The following RABGAP1 variants were observed in gnomAD, a reference collection of about 807,000 sequenced individuals.
RABGAP1 encodes rab GTPase-activating protein 1.
A neutral mutation model predicts 137.6 loss-of-function variants in RABGAP1; 23 were observed. The observed-to-expected ratio is 0.17, with a 90% CI of 0.12 to 0.24. RABGAP1 has a LOEUF of 0.24. RABGAP1 is among the 10% of genes least tolerant of loss of function. The pLI is 1.00. For synonymous variants in RABGAP1, 451 were observed against 450.7 expected (o/e 1.00, Z -0.01); for missense variants, 906 against 1,275.8 (o/e 0.71, Z 4.42).
chr9:123,070,421 C>T lies in RABGAP1; in HGVS notation c.1980C>T (p.Leu660=). 6.2e-7 allele frequency: 1 copy of T among 1,614,060 alleles called. No homozygotes were observed. Among genetic ancestry groups the T allele is most frequent in the South Asian group, 1.1e-5 (1 of 91,074 alleles). ...CATTTCTTGCTGCTGTGCTCCTTCT[C>T]CATGTGAGTAATTAGGTCTCTGTTA... ...GQSFLAAVLL[L]HMPEEQAFSV... The change falls in exon 15 of 26, where the codon CTC becomes CTT. Residue 660 remains leucine (L), a synonymous_variant. Coordinates refer to ENST00000373647, the MANE Select transcript of RABGAP1 (RefSeq NM_012197.4). The surrounding 1 kb of genome is among the most constrained non-coding windows in gnomAD (Gnocchi z 4.4).
intron 2 of RABGAP1, among the ~76,000 whole-genome samples, chr9:122,964,701 T>G (rs1835046461): frequency 6.6e-6 from 1 of 152,202 alleles, no homozygotes; most frequent in African/African-American, 2.4e-5. Context: ...TTCAACATTG[T>G]GCTAGGGCCA....
chr9:123,014,245 A>T (rs534677334), intron 11 of RABGAP1, among the ~76,000 whole-genome samples: 41 of 152,276 alleles, frequency 2.7e-4, no homozygotes, highest in African/African-American at 7.2e-4. Flanking sequence ...AGTGCCACTT[A>T]TTTCACTGTC....
chr9:123,076,235 T>C lies in RABGAP1; in HGVS notation c.2254-10T>C, dbSNP rs747724305. On this transcript the variant is annotated splice_polypyrimidine_tract_variant and intron_variant, in intron 17 of 25. Transcript: ENST00000373647. ...AACTGACAGTGTTCTTTTTGTCTGT[T>C]CTCTTTCAGGGAATAAGTGTTATTT... 12 of 1,609,786 alleles carry C rather than the reference T, an allele frequency of 7.5e-6. No individual in the cohort carries two copies. The Middle Eastern group carries it at 6.6e-4, about 89-fold the overall frequency.
chr9:123,013,831 G>A (rs2031010842), intron 11 of RABGAP1, among the ~76,000 whole-genome samples: 1 of 152,148 alleles, frequency 6.6e-6, no homozygotes, highest in African/African-American at 2.4e-5. Flanking sequence ...TGGAGATGCA[G>A]ATTCAACATG....
At position 123,022,315 on chromosome 9, in the gene RABGAP1, A is replaced by G. The variant is rs150611657; in HGVS notation, c.1794+1856A>G. On this transcript the variant is annotated intron_variant, in intron 13 of 25. Coordinates refer to ENST00000373647, the MANE Select transcript of RABGAP1 (RefSeq NM_012197.4). Reference sequence around the variant, plus strand: ...GGAACCTGGTAGTTATATGATATGTAAAAGAAAGACTATTAACAAAATATG... The same window carrying G: ...GGAACCTGGTAGTTATATGATATGTGAAAGAAAGACTATTAACAAAATATG... Among the ~76,000 whole-genome samples the G allele has an allele frequency of 2.1e-3, 317 of 152,340 alleles. 3 individuals carry two copies. Among genetic ancestry groups the G allele is most frequent in the Middle Eastern group, 0.017 (5 of 294 alleles).
chr9:122,949,706 A>AAAT (rs1554782542), intron 1 of RABGAP1, among the ~76,000 whole-genome samples: 2 of 151,118 alleles, frequency 1.3e-5, no homozygotes, highest in African/African-American at 4.9e-5. Context: ...AAAAAAAAAA[A>AAAT]AAAAAGGAAA....
At chr9:123,025,139 G>A (rs1686776598) in intron 13 of RABGAP1, among the ~76,000 whole-genome samples, 1 of 152,130 alleles carries the variant, frequency 6.6e-6, no homozygotes, top group Non-Finnish European at 1.5e-5. Context: ...CTTCCAGATG[G>A]ATAACCAGTT....
At chr9:123,080,309 T>G (rs1304796613) in intron 19 of RABGAP1, among the ~76,000 whole-genome samples, 1 of 152,244 alleles carries the variant, frequency 6.6e-6, no homozygotes, top group African/African-American at 2.4e-5. Context: ...CTTTGCATGT[T>G]TGGGGTACAC....
chr9:123,095,799 G>T (rs963899942), intron 21 of RABGAP1, among the ~76,000 whole-genome samples: 1 of 151,202 alleles, frequency 6.6e-6, no homozygotes, highest in Non-Finnish European at 1.5e-5. Context: ...TTTTCATTCA[G>T]TTCTTGTGAT....
At chr9:123,027,010 T>G (rs2032008193) in intron 13 of RABGAP1, among the ~76,000 whole-genome samples, 1 of 152,240 alleles carries the variant, frequency 6.6e-6, no homozygotes, top group Non-Finnish European at 1.5e-5. Flanking sequence ...TTTTCTCTAG[T>G]TTCAACTTCA....
chr9:123,016,231 G>T (rs1158221836), intron 12 of RABGAP1, among the ~76,000 whole-genome samples: 1 of 152,166 alleles, frequency 6.6e-6, no homozygotes, highest in Non-Finnish European at 1.5e-5. Flanking sequence ...TTCAGGATGG[G>T]TGTAGTGGTT....
At chr9:122,983,749 A>G (rs974047142) in intron 2 of RABGAP1, among the ~76,000 whole-genome samples, 5 of 152,282 alleles carry the variant, frequency 3.3e-5, no homozygotes, top group Middle Eastern at 6.8e-3. Flanking sequence ...TTAAGCATTT[A>G]GTGACAATAC....
intron 13 of RABGAP1, among the ~76,000 whole-genome samples, chr9:123,048,214 C>T (rs1295102305): frequency 1.3e-5 from 2 of 152,136 alleles, no homozygotes; most frequent in Admixed American, 1.3e-4. Context: ...GTTAGGATTA[C>T]AGGCGTGAGC....
intron 1 of RABGAP1, among the ~76,000 whole-genome samples, chr9:122,950,135 G>C (rs894191525): frequency 6.6e-6 from 1 of 152,138 alleles, no homozygotes; most frequent in Admixed American, 6.5e-5. Context: ...TCAGATCTAA[G>C]TTTTAGAAAT....
At chr9:123,068,131 C>T (rs1443180316) in intron 14 of RABGAP1, among the ~76,000 whole-genome samples, 1 of 152,100 alleles carries the variant, frequency 6.6e-6, no homozygotes, top group African/African-American at 2.4e-5. Context: ...GGGTGGTTCA[C>T]CTGAGGTCAG....
intron 14 of RABGAP1, among the ~76,000 whole-genome samples, chr9:123,069,525 C>T (rs1588372247): frequency 6.6e-6 from 1 of 151,292 alleles, no homozygotes; most frequent in Admixed American, 6.6e-5. Context: ...ATCACTTGAG[C>T]TTAGGAGTTT....
chr9:123,037,028 T>C (rs1475923375), intron 13 of RABGAP1, among the ~76,000 whole-genome samples: 1 of 152,170 alleles, frequency 6.6e-6, no homozygotes, highest in Non-Finnish European at 1.5e-5. Context: ...ACTTTTCTGC[T>C]GTTCTGGAAA....
chr9:122,969,018 CA>C (rs1175252932), intron 2 of RABGAP1, among the ~76,000 whole-genome samples: 1 of 152,218 alleles, frequency 6.6e-6, no homozygotes, highest in South Asian at 2.1e-4. Flanking sequence ...TCATCTTTAC[CA>C]GAAAGAAATA....
At chr9:123,051,981 A>G (rs1171896689) in intron 13 of RABGAP1, among the ~76,000 whole-genome samples, 2 of 91,112 alleles carry the variant, frequency 2.2e-5, no homozygotes, top group Middle Eastern at 7.2e-3. Flanking sequence ...TTTTTTTTGT[A>G]TTATTCGTAG....
Sources: gnomAD v4.1 joint callset for allele counts (sites outside exome capture counted in the v4.1 genomes callset) on GRCh38, gnomAD v4.1.1 for gene constraint, Gnocchi (gnomAD v3.1) non-coding constraint, MANE v1.5 for transcripts, NCBI Gene and HGNC (gene_info 2026-07-23, HGNC 2026-07-21) for gene names.